PHF2: variants seen among roughly 807,000 people sequenced by gnomAD.
The protein encoded by PHF2 is lysine-specific demethylase PHF2.
In PHF2, 27 loss-of-function variants were observed where a neutral mutation model predicts 120.5. The observed-to-expected ratio is 0.22, with a 90% confidence interval of 0.17 to 0.31. The LOEUF (loss-of-function observed/expected upper bound fraction) is 0.31, where lower values mean the gene tolerates loss of function less well. Ranked by LOEUF, PHF2 falls within the 10% of genes least tolerant of loss-of-function variation. The probability of loss-of-function intolerance (pLI) is 1.00; values close to 1 mark genes in which losing one functional copy is unlikely to be tolerated. For synonymous variants in PHF2, 568 were observed against 592.5 expected (o/e 0.96, Z 0.60); for missense variants, 1,024 against 1,434.8 (o/e 0.71, Z 4.63).
In PHF2 at chr9:93,677,520, C is replaced by A; in HGVS notation, c.3203-68C>A. The A allele has an allele frequency of 8.4e-7, 1 of 1,195,606 alleles. No homozygotes were observed. The highest frequency in any genetic ancestry group is 1.2e-6 in the Non-Finnish European group (1 of 811,066). 74.1% of individuals were successfully genotyped at this position (1,195,606 alleles called of 1,614,324 possible). On this transcript the variant is annotated intron_variant, in intron 21 of 21. Transcript: ENST00000359246. This position sits in a 1 kb window ranked among gnomAD's most constrained non-coding sequence, Gnocchi z 4.4. ...AGTGTCAGCGGGACCCTCCCCCCCA[C>A]CGGCATGCCACGCCCCTTGCCATCT...
At chr9:93,625,895 A>G (rs957335983) in intron 1 of PHF2, among the ~76,000 whole-genome samples, 2 of 152,012 alleles carry the variant, frequency 1.3e-5, no homozygotes, top group African/African-American at 4.8e-5. Flanking sequence ...TTGCGTTTCT[A>G]CCATTGATGT....
rs1318907974 is a variant in PHF2, at chr9:93,677,065, T to C, written c.3202+102T>C. The C allele has an allele frequency of 7.7e-7, 1 of 1,300,538 alleles. No homozygotes were observed. The highest frequency in any genetic ancestry group is 1.0e-6 in the Non-Finnish European group (1 of 967,192). The allele number at this position is 1,300,538 out of a possible 1,614,324, so 80.6% of individuals were successfully genotyped here. A position where few individuals can be genotyped will look rare whatever the true frequency, so the allele number is the denominator to read the frequency against. The stretch of plus-strand genomic sequence containing the variant: ...CGGCCCATGGTAGAGGGCAGCACAT[T>C]GGGAGGGCTCCTGGGCCTTGGGTGG... On this transcript the variant is annotated intron_variant, in intron 21 of 21. Transcript: ENST00000359246. This position sits in a 1 kb window ranked among gnomAD's most constrained non-coding sequence, Gnocchi z 4.4.
In PHF2 at chr9:93,576,803, C is replaced by T; in HGVS notation, c.30C>T (p.Cys10=). MATVPVYCV[C]RLPYDVTRFM... ...CGACGGTGCCCGTGTACTGCGTCTG[C>T]CGGCTCCCCTACGACGTTACCCGCT... The change falls in exon 1 of 22, where the codon TGC becomes TGT. Residue 10 remains cysteine (C), a synonymous_variant. Transcript: ENST00000359246. The T allele has an allele frequency of 2.3e-6, 3 of 1,286,932 alleles. No homozygotes were observed. The highest frequency in any genetic ancestry group is 2.3e-5 in the Admixed American group (1 of 44,038). 79.7% of individuals were successfully genotyped at this position (1,286,932 alleles called of 1,614,324 possible).
chr9:93,674,898 GGCCAC>G lies in PHF2; in HGVS notation c.2627-25_2627-21del, dbSNP rs1179089813. ...CCGTGGACCTGCCCTGCACTCAGCGGGCCACGCCTTCCCTCTGCCTCCCTCTAGTT... is the reference window on the plus strand; with the variant it reads ...CCGTGGACCTGCCCTGCACTCAGCGGGCCTTCCCTCTGCCTCCCTCTAGTT... On this transcript the variant is annotated intron_variant, in intron 18 of 21. Coordinates refer to ENST00000359246, the MANE Select transcript of PHF2 (RefSeq NM_005392.4). The G allele has an allele frequency of 1.7e-5, 26 of 1,564,828 alleles. No homozygotes were observed. The Admixed American group carries it at 3.0e-4, about 18-fold the overall frequency.
intron 16 of PHF2, among the ~76,000 whole-genome samples, chr9:93,666,534 C>T (rs147631585): frequency 5.3e-5 from 8 of 152,364 alleles, no homozygotes; most frequent in African/African-American, 1.9e-4. Context: ...TTGGCACCCA[C>T]GTCTGCCCTG....
intron 17 of PHF2, chr9:93,672,576 G>A: frequency 1.0e-6 from 1 of 984,500 alleles, no homozygotes; most frequent in Non-Finnish European, 1.2e-6. Flanking sequence ...ATGGGTGTAG[G>A]TGTAGGCACC....
rs753373078 is a variant in PHF2, at chr9:93,663,683, TCA to T, written c.1937+56_1937+57del. 7 of 1,034,978 alleles carry T rather than the reference TCA, an allele frequency of 6.8e-6. No individual in the cohort carries two copies. The African/African-American group carries it at 7.9e-5, about 12-fold the overall frequency. The allele number at this position is 1,034,978 out of a possible 1,614,324, so 64.1% of individuals were successfully genotyped here. On this transcript the variant is annotated intron_variant, in intron 14 of 21. Transcript: ENST00000359246. ...GGGGTGACCTCGCGCATAACCGACA[TCA>T]CACACACCATACATACTGCATCACA...
chr9:93,608,018 G>T (rs1043536774), intron 1 of PHF2, among the ~76,000 whole-genome samples: 2 of 112,866 alleles, frequency 1.8e-5, no homozygotes, highest in African/African-American at 6.5e-5. Context: ...AGAAGGAAAG[G>T]AGGAAGGAAA....
At chr9:93,582,758 G>A (rs1349396930) in intron 1 of PHF2, among the ~76,000 whole-genome samples, 1 of 152,216 alleles carries the variant, frequency 6.6e-6, no homozygotes. Context: ...ATCTGTCCCT[G>A]TCTATCAAAG....
At chr9:93,652,098 C>T (rs1293335984) in intron 5 of PHF2, among the ~76,000 whole-genome samples, 1 of 152,064 alleles carries the variant, frequency 6.6e-6, no homozygotes, top group African/African-American at 2.4e-5. Flanking sequence ...CAGGACTCTG[C>T]TTGTGATTTG....
Position 93,665,578 on chromosome 9 carries a change from T to C in PHF2, c.1938-108T>C, listed in dbSNP as rs556376177. ...AATAGTGGCAACGTCACCTGCCTCCTGGAGGCCATCCTGCCGCGGCCCTGG... is the reference window on the plus strand; with the variant it reads ...AATAGTGGCAACGTCACCTGCCTCCCGGAGGCCATCCTGCCGCGGCCCTGG... On this transcript the variant is annotated intron_variant, in intron 14 of 21. Transcript: ENST00000359246. The C allele has an allele frequency of 9.5e-4, 1,164 of 1,229,842 alleles. 2 individuals carry two copies. The highest frequency in any genetic ancestry group is 1.8e-3 in the Admixed American group (81 of 44,304). The allele number at this position is 1,229,842 out of a possible 1,614,324, so 76.2% of individuals were successfully genotyped here. A position where few individuals can be genotyped will look rare whatever the true frequency, so the allele number is the denominator to read the frequency against.
chr9:93,616,604 G>A (rs1825733042), intron 1 of PHF2, among the ~76,000 whole-genome samples: 1 of 133,132 alleles, frequency 7.5e-6, no homozygotes, highest in Non-Finnish European at 1.7e-5. Context: ...CTCACCTCTG[G>A]GAGTGAAAGA....
intron 1 of PHF2, among the ~76,000 whole-genome samples, chr9:93,584,427 G>C (rs992680538): frequency 1.3e-5 from 2 of 152,190 alleles, no homozygotes; most frequent in African/African-American, 2.4e-5. Context: ...TTGTAATGAT[G>C]GAAGGTAGGA....
rs373746474 is a variant in PHF2, at chr9:93,677,719, G to A, written c.*43G>A. ...TCCTTCTGCTCCGCTCAGGACCCCC[G>A]GAGCCCCGCGAAAACATCTGCCTCC... On this transcript the variant is annotated 3_prime_UTR_variant, in exon 22 of 22. Coordinates refer to ENST00000359246, the MANE Select transcript of PHF2 (RefSeq NM_005392.4). This position sits in a 1 kb window ranked among gnomAD's most constrained non-coding sequence, Gnocchi z 4.4. The A allele has an allele frequency of 1.9e-5, 28 of 1,484,104 alleles. No individual in the cohort carries two copies. Among genetic ancestry groups the A allele is most frequent in the Middle Eastern group, 1.7e-4 (1 of 5,778 alleles). 91.9% of individuals were successfully genotyped at this position (1,484,104 alleles called of 1,614,324 possible).
chr9:93,632,264 G>C (rs1261555180), intron 2 of PHF2, among the ~76,000 whole-genome samples: 1 of 152,182 alleles, frequency 6.6e-6, no homozygotes, highest in Non-Finnish European at 1.5e-5. Context: ...AGACATTCTA[G>C]ACTAGCAGAC....
intron 3 of PHF2, among the ~76,000 whole-genome samples, chr9:93,637,714 G>T (rs1208680838): frequency 1.3e-5 from 2 of 152,174 alleles, no homozygotes; most frequent in Admixed American, 6.5e-5. Context: ...CATTTGCGTT[G>T]TTTCCACTTT....
intron 1 of PHF2, among the ~76,000 whole-genome samples, chr9:93,622,887 T>G (rs1378703790): frequency 1.3e-5 from 2 of 152,216 alleles, no homozygotes; most frequent in South Asian, 2.1e-4. Flanking sequence ...GTCTGACCTC[T>G]GACCTTCTGC....
intron 1 of PHF2, among the ~76,000 whole-genome samples, chr9:93,591,176 C>G (rs886397247): frequency 6.6e-6 from 1 of 152,228 alleles, no homozygotes; most frequent in African/African-American, 2.4e-5. Context: ...GCACCCCTCT[C>G]CCCACTGACA....
At chr9:93,584,058 C>T (rs2131597717) in intron 1 of PHF2, among the ~76,000 whole-genome samples, 1 of 152,186 alleles carries the variant, frequency 6.6e-6, no homozygotes, top group Middle Eastern at 3.4e-3. Flanking sequence ...GAACTCTCGA[C>T]CTCAGGTGAT....
Sources: gnomAD v4.1 joint callset for allele counts (sites outside exome capture counted in the v4.1 genomes callset) on GRCh38, gnomAD v4.1.1 for gene constraint, Gnocchi (gnomAD v3.1) non-coding constraint, MANE v1.5 for transcripts, NCBI Gene and HGNC (gene_info 2026-07-23, HGNC 2026-07-21) for gene names.